Variants in SSPN observed in about 807,000 individuals in gnomAD.
The protein encoded by SSPN is sarcospan.
SSPN carries 15 observed loss-of-function variants against 19.1 expected under a neutral mutation model. The ratio of observed to expected loss-of-function variants is 0.78; its 90% CI spans 0.52 to 1.21. The LOEUF (loss-of-function observed/expected upper bound fraction) is 1.21. Ranked by LOEUF, SSPN falls within the 50% of genes most tolerant of loss-of-function variation. The pLI, the probability that SSPN is intolerant of heterozygous loss-of-function variation, is 0.00. For synonymous variants in SSPN, 147 were observed against 140.3 expected (o/e 1.05, Z -0.34); for missense variants, 291 against 314.0 (o/e 0.93, Z 0.55).
chr12:26,220,247 C>CAAAAAAAAAA (rs58022147), intron 1 of SSPN, among the ~76,000 whole-genome samples: 1 of 114,480 alleles, frequency 8.7e-6, no homozygotes. Flanking sequence ...AAGCTGTAGG[C>CAAAAAAAAAA]AAAAAAAAAA....
At chr12:26,153,326 T>C (rs1944536678) in intron 1 of SSPN, among the ~76,000 whole-genome samples, 1 of 152,238 alleles carries the variant, frequency 6.6e-6, no homozygotes, top group Non-Finnish European at 1.5e-5. Context: ...CTGCTAATAT[T>C]ATCATCATCA....
chr12:26,229,402 C>G (rs921218138), intron 2 of SSPN, among the ~76,000 whole-genome samples: 50 of 152,108 alleles, frequency 3.3e-4, no homozygotes, highest in African/African-American at 1.1e-3. Context: ...ACACATACCA[C>G]TCAAGAAAAA....
chr12:26,146,801 G>A (rs1270300343), intron 1 of SSPN, among the ~76,000 whole-genome samples: 23 of 104,662 alleles, frequency 2.2e-4, no homozygotes, highest in Admixed American at 2.6e-4. Flanking sequence ...CAGCCTGGGC[G>A]ACAGAGCAAG....
chr12:26,213,580 A>T (rs1373166527), intron 1 of SSPN, among the ~76,000 whole-genome samples: 1 of 151,934 alleles, frequency 6.6e-6, no homozygotes, highest in Non-Finnish European at 1.5e-5. Flanking sequence ...GGGCATTCAT[A>T]GGTTGTCTAT....
intron 1 of SSPN, among the ~76,000 whole-genome samples, chr12:26,178,537 G>A (rs547234457): frequency 6.6e-6 from 1 of 152,052 alleles, no homozygotes; most frequent in African/African-American, 2.4e-5. Flanking sequence ...AGAGGGGTGG[G>A]GAACAAAAGC....
chr12:26,228,420 G>A (rs1399904139), intron 2 of SSPN, among the ~76,000 whole-genome samples: 1 of 151,516 alleles, frequency 6.6e-6, no homozygotes, highest in Non-Finnish European at 1.5e-5. Context: ...ATGTATGTTA[G>A]AGGTAGGAAG....
chr12:26,230,738 G>A lies in SSPN; in HGVS notation c.394G>A (p.Gly132Ser), dbSNP rs1945220920. ...GTTATACTTTCTGCTGAGTGCCCTG[G>A]GCCTGACGGTCTGTGTGCTGGCCGT... ...KLLYFLLSAL[G>S]LTVCVLAVAF... Residue 132 changes from glycine (G) to serine (S), a missense_variant, in exon 3 of 3, where the codon GGC (glycine) becomes AGC (serine). Physicochemically the swap from Gly to Ser is moderately conservative, Grantham distance 56. This residue lies in a region of SSPN where 141 missense variants were observed against 166.7 expected (regional missense o/e 0.85). Coordinates refer to ENST00000242729, the MANE Select transcript of SSPN (RefSeq NM_005086.5). 1 of 1,613,874 alleles carries A rather than the reference G, an allele frequency of 6.2e-7. No homozygotes were observed. The highest frequency in any genetic ancestry group is 8.5e-7 in the Non-Finnish European group (1 of 1,179,844).
intron 1 of SSPN, among the ~76,000 whole-genome samples, chr12:26,168,430 G>A (rs1205555746): frequency 1.3e-5 from 2 of 152,256 alleles, no homozygotes; most frequent in Non-Finnish European, 2.9e-5. Context: ...GATAACCCCC[G>A]GTTGGGGATG....
upstream of SSPN, chr12:26,195,491 C>T (rs1944817780): frequency 2.7e-6 from 3 of 1,093,516 alleles, no homozygotes; most frequent in Non-Finnish European, 3.5e-6. Context: ...CCCCTCGAAT[C>T]CCCCCTCTGC....
chr12:26,136,904 T>C (rs1235268478), intron 1 of SSPN, among the ~76,000 whole-genome samples: 2 of 152,228 alleles, frequency 1.3e-5, no homozygotes, highest in African/African-American at 4.8e-5. Context: ...GGGGAAATCC[T>C]GTTAGTCCAT....
At chr12:26,217,119 T>C (rs1236040250) in intron 1 of SSPN, among the ~76,000 whole-genome samples, 9 of 143,306 alleles carry the variant, frequency 6.3e-5, no homozygotes, top group Non-Finnish European at 9.2e-5. Context: ...AAGAAAGGCA[T>C]TGGTAGCTTG....
At chr12:26,185,235 G>T (rs1197693092) in intron 1 of SSPN, among the ~76,000 whole-genome samples, 2 of 152,210 alleles carry the variant, frequency 1.3e-5, no homozygotes, top group African/African-American at 4.8e-5. Flanking sequence ...TTTATTGAGT[G>T]CCTAATATTG....
chr12:26,129,528 A>AT (rs1944386071), intron 1 of SSPN, among the ~76,000 whole-genome samples: 1 of 152,230 alleles, frequency 6.6e-6, no homozygotes, highest in African/African-American at 2.4e-5. Flanking sequence ...AGAAGCCAGT[A>AT]TGACTTTAAA....
At chr12:26,161,822 A>G (rs1318956657) in intron 1 of SSPN, among the ~76,000 whole-genome samples, 1 of 152,194 alleles carries the variant, frequency 6.6e-6, no homozygotes, top group African/African-American at 2.4e-5. Context: ...GATTCCTCGC[A>G]TGCGCAGTTC....
intron 1 of SSPN, among the ~76,000 whole-genome samples, chr12:26,211,944 G>A (rs2137481452): frequency 6.6e-6 from 1 of 152,288 alleles, no homozygotes; most frequent in East Asian, 1.9e-4. Context: ...GCTTTGGCTT[G>A]GCACATAAGT....
chr12:26,138,667 A>G (rs1486457947), intron 1 of SSPN, among the ~76,000 whole-genome samples: 4 of 148,672 alleles, frequency 2.7e-5, no homozygotes, highest in East Asian at 1.9e-4. Flanking sequence ...AGGAAAGTCT[A>G]GATGCTTTTA....
At chr12:26,182,898 G>C (rs913708114) in intron 1 of SSPN, among the ~76,000 whole-genome samples, 1 of 151,810 alleles carries the variant, frequency 6.6e-6, no homozygotes, top group Admixed American at 6.6e-5. Flanking sequence ...GAGTAGCTGG[G>C]ATTACAGGCA....
intron 1 of SSPN, among the ~76,000 whole-genome samples, chr12:26,135,954 C>A (rs1181756568): frequency 6.6e-6 from 1 of 152,232 alleles, no homozygotes; most frequent in Non-Finnish European, 1.5e-5. Flanking sequence ...ATAGACATAT[C>A]TCATATTTCT....
chr12:26,137,181 C>T (rs1038659299), intron 1 of SSPN, among the ~76,000 whole-genome samples: 19 of 152,114 alleles, frequency 1.2e-4, no homozygotes, highest in Admixed American at 2.6e-4. Flanking sequence ...GAAAAAACTG[C>T]GGCACAGGTT....
Sources: gnomAD v4.1 joint callset for allele counts (sites outside exome capture counted in the v4.1 genomes callset) on GRCh38, gnomAD v4.1.1 for gene constraint, gnomAD v4.1.1 regional missense constraint, MANE v1.5 for transcripts, NCBI Gene and HGNC (gene_info 2026-07-23, HGNC 2026-07-21) for gene names.